Variants in ANKRD13B observed in about 807,000 individuals in gnomAD.
ANKRD13B encodes ankyrin repeat domain 13B, also known as ankyrin repeat domain-containing protein 13B.
In ANKRD13B, 33 loss-of-function variants were observed where a neutral mutation model predicts 74.4. The ratio of observed to expected loss-of-function variants is 0.44; its 90% CI spans 0.34 to 0.59. ANKRD13B has a LOEUF of 0.59. Ranked by LOEUF, ANKRD13B falls within the 20% of genes least tolerant of loss-of-function variation. ANKRD13B has a pLI of 0.02. For missense variants in ANKRD13B, 676 were observed against 877.9 expected (o/e 0.77, Z 2.91); for synonymous variants, 341 against 362.9 (o/e 0.94, Z 0.68).
intron 1 of ANKRD13B, 159 bp downstream of exon 1, chr17:29,593,894 GA>G: frequency 3.0e-6 from 1 of 337,422 alleles, no homozygotes; most frequent in Non-Finnish European, 5.2e-6. Flanking sequence ...GGGAAAGGGT[GA>G]TCCCCTCCGG....
Position 29,613,801 on chromosome 17 carries a change from C to A in ANKRD13B, c.*219C>A, listed in dbSNP as rs910652338. ...CTGGAGGCAACTGGCACGGCCTGGTCCCCCTGCTTTGCTGTATTCTGATTC... is the reference window on the plus strand; with the variant it reads ...CTGGAGGCAACTGGCACGGCCTGGTACCCCTGCTTTGCTGTATTCTGATTC... On this transcript the variant is annotated 3_prime_UTR_variant, in exon 15 of 15. Transcript: ENST00000394859. 6 of 667,752 alleles carry A rather than the reference C, an allele frequency of 9.0e-6. No homozygotes were observed. Among genetic ancestry groups the A allele is most frequent in the Non-Finnish European group, 1.2e-5 (5 of 432,890 alleles). 41.4% of individuals were successfully genotyped at this position (667,752 alleles called of 1,614,324 possible).
intron 1 of ANKRD13B, chr17:29,594,168 G>A (rs1454404807): frequency 2.6e-5 from 4 of 152,584 alleles, no homozygotes; most frequent in Non-Finnish European, 5.9e-5. Flanking sequence ...AGGCACCCCA[G>A]CCCCACCCAG....
intron 1 of ANKRD13B, among the ~76,000 whole-genome samples, chr17:29,599,086 C>T (rs1399049095): frequency 6.6e-6 from 1 of 152,116 alleles, no homozygotes; most frequent in Non-Finnish European, 1.5e-5. Flanking sequence ...GCAGCTGTTA[C>T]CTCAGATGGG....
At position 29,609,100 on chromosome 17, in the gene ANKRD13B, G is replaced by C. The variant is rs769933936; in HGVS notation, c.580G>C (p.Val194Leu). The C allele has an allele frequency of 6.2e-7, 1 of 1,610,992 alleles. No individual in the cohort carries two copies. The highest frequency in any genetic ancestry group is 2.2e-5 in the East Asian group (1 of 44,878). ...GTGTCTGGCAGACACAAGCGCCGTGGTCATGGAGATTGACCACGACCGCCG... is the reference window on the plus strand; with the variant it reads ...GTGTCTGGCAGACACAAGCGCCGTGCTCATGGAGATTGACCACGACCGCCG... ...VFRGQDTSAV[V>L]MEIDHDRRVV... Residue 194 changes from valine (V) to leucine (L), a missense_variant, in exon 6 of 15, where the codon GTC becomes CTC. Coordinates refer to ENST00000394859, the MANE Select transcript of ANKRD13B (RefSeq NM_152345.5). The surrounding 1 kb of genome is among the most constrained non-coding windows in gnomAD (Gnocchi z 4.0).
At position 29,609,458 on chromosome 17, in the gene ANKRD13B, C is replaced by G. The variant is rs2034502376; in HGVS notation, c.822+37C>G. ...GCTCCCAGCTGCCAGCCCAGCTGCA[C>G]TCTTGCCTACAGCAAGCTGTACAGG... On this transcript the variant is annotated intron_variant, in intron 7 of 14. Transcript: ENST00000394859. The surrounding 1 kb of genome is among the most constrained non-coding windows in gnomAD (Gnocchi z 4.0). 6.2e-7 allele frequency: 1 copy of G among 1,609,666 alleles called. No homozygotes were observed. The highest frequency in any genetic ancestry group is 8.5e-7 in the Non-Finnish European group (1 of 1,177,820).
At position 29,613,791 on chromosome 17, in the gene ANKRD13B, A is replaced by G; in HGVS notation, c.*209A>G. The G allele has an allele frequency of 1.4e-6, 1 of 721,028 alleles. No homozygotes were observed. Among genetic ancestry groups the G allele is most frequent in the Non-Finnish European group, 2.1e-6 (1 of 480,116 alleles). 44.7% of individuals were successfully genotyped at this position (721,028 alleles called of 1,614,324 possible). ...GGCCAGGGCCCTGGAGGCAACTGGC[A>G]CGGCCTGGTCCCCCTGCTTTGCTGT... On this transcript the variant is annotated 3_prime_UTR_variant, in exon 15 of 15. Coordinates refer to ENST00000394859, the MANE Select transcript of ANKRD13B (RefSeq NM_152345.5).
At chr17:29,597,087 G>A (rs1458356619) in intron 1 of ANKRD13B, among the ~76,000 whole-genome samples, 4 of 152,218 alleles carry the variant, frequency 2.6e-5, no homozygotes, top group South Asian at 2.1e-4. Context: ...CTTCCTCCTC[G>A]TGGGCTGGGG....
Position 29,607,834 on chromosome 17 carries a change from G to T in ANKRD13B, c.207G>T (p.Ala69=), listed in dbSNP as rs148873780. The change falls in exon 2 of 15, where the codon GCG becomes GCT. Residue 69 remains alanine (A), a synonymous_variant. Transcript: ENST00000394859. ...TTGAGTGTGCCCGTGTGCTCCTGGC[G>T]CACGGCGCAGACGTGGGCAGGGAGA... ...GHLECARVLL[A]HGADVGRENR... 21 of 1,605,064 alleles carry T rather than the reference G, an allele frequency of 1.3e-5. No individual in the cohort carries two copies. The highest frequency in any genetic ancestry group is 2.2e-5 in the East Asian group (1 of 44,854).
chr17:29,602,117 C>G (rs901332096), intron 1 of ANKRD13B, among the ~76,000 whole-genome samples: 2 of 152,128 alleles, frequency 1.3e-5, no homozygotes, highest in Admixed American at 6.5e-5. Context: ...AATATTTGGC[C>G]GGGTGTGGTG....
rs561900244 is a variant in ANKRD13B, at chr17:29,594,515, G to C, written c.114+780G>C. Reference sequence around the variant, plus strand: ...GTCTCCAGAAAACAGGGGAAGGGGGGATGTCTTCTGGCCATGCTTCAGGAT... The same window carrying C: ...GTCTCCAGAAAACAGGGGAAGGGGGCATGTCTTCTGGCCATGCTTCAGGAT... On this transcript the variant is annotated intron_variant, in intron 1 of 14. Coordinates refer to ENST00000394859, the MANE Select transcript of ANKRD13B (RefSeq NM_152345.5). Among the ~76,000 whole-genome samples the C allele has an allele frequency of 2.0e-5, 3 of 152,268 alleles. No homozygotes were observed. The East Asian group carries it at 5.8e-4, about 29-fold the overall frequency.
chr17:29,601,043 G>T (rs2034157934), intron 1 of ANKRD13B, among the ~76,000 whole-genome samples: 1 of 149,770 alleles, frequency 6.7e-6, no homozygotes, highest in African/African-American at 2.5e-5. Context: ...TCCCACCTCA[G>T]CCTCCCAGTA....
intron 1 of ANKRD13B, among the ~76,000 whole-genome samples, chr17:29,597,320 C>T (rs2033988971): frequency 6.6e-6 from 1 of 152,170 alleles, no homozygotes; most frequent in South Asian, 2.1e-4. Context: ...GGAGTGGACT[C>T]CTGCAGGGCC....
chr17:29,610,852 T>C, intron 8 of ANKRD13B, 86 bp downstream of exon 8: 1 of 1,327,686 alleles, frequency 7.5e-7, no homozygotes, highest in South Asian at 1.3e-5. Flanking sequence ...GTATTCCCAC[T>C]GGCATCCTAG....
Position 29,593,713 on chromosome 17 carries a change from A to G in ANKRD13B, c.92A>G (p.Glu31Gly). The change falls in exon 1 of 15, where the codon GAG (glutamate) becomes GGG (glycine). Residue 31 changes from glutamate to glycine, a missense_variant. By Grantham distance (98) the Glu-to-Gly change is moderately conservative. Transcript: ENST00000394859. The part of the protein sequence containing the change: ...LVWHNRHREL[E>G]KEVRAGQVDI... ...TGGCACAACCGCCACCGCGAGCTGGAGAAGGAGGTCCGCGCGGGCCAGGTA... is the reference window on the plus strand; with the variant it reads ...TGGCACAACCGCCACCGCGAGCTGGGGAAGGAGGTCCGCGCGGGCCAGGTA... 7.0e-7 allele frequency: 1 copy of G among 1,431,674 alleles called. No individual in the cohort carries two copies. Among genetic ancestry groups the G allele is most frequent in the South Asian group, 1.4e-5 (1 of 71,506 alleles). The allele number at this position is 1,431,674 out of a possible 1,614,324, so 88.7% of individuals were successfully genotyped here. A position where few individuals can be genotyped will look rare whatever the true frequency, so the allele number is the denominator to read the frequency against.
Position 29,613,740 on chromosome 17 carries a change from C to A in ANKRD13B, c.*158C>A. 8.2e-7 allele frequency: 1 copy of A among 1,212,292 alleles called. No individual in the cohort carries two copies. Among genetic ancestry groups the A allele is most frequent in the Non-Finnish European group, 1.1e-6 (1 of 926,490 alleles). The allele number at this position is 1,212,292 out of a possible 1,614,324, so 75.1% of individuals were successfully genotyped here. On this transcript the variant is annotated 3_prime_UTR_variant, in exon 15 of 15. Transcript: ENST00000394859. ...AGCAGGCACGGTTCGGGGAGGGATTCGGCATGGCCGCGGGGTACCTTCCCA... is the reference window on the plus strand; with the variant it reads ...AGCAGGCACGGTTCGGGGAGGGATTAGGCATGGCCGCGGGGTACCTTCCCA...
Position 29,613,651 on chromosome 17 carries a change from G to C in ANKRD13B, c.*69G>C, listed in dbSNP as rs1175580392. On this transcript the variant is annotated 3_prime_UTR_variant, in exon 15 of 15. Coordinates refer to ENST00000394859, the MANE Select transcript of ANKRD13B (RefSeq NM_152345.5). The stretch of plus-strand genomic sequence containing the variant: ...CAGGGCCAGGAGCCAGACAAACCCC[G>C]GCCTGCGCGCCTGCAGAGCGGCGGC... 21 of 1,374,606 alleles carry C rather than the reference G, an allele frequency of 1.5e-5. No individual in the cohort carries two copies. In the East Asian group the frequency reaches 4.9e-4, roughly 32 times the overall value. The allele number at this position is 1,374,606 out of a possible 1,614,324, so 85.2% of individuals were successfully genotyped here. A position where few individuals can be genotyped will look rare whatever the true frequency, so the allele number is the denominator to read the frequency against.
chr17:29,608,354 C>A lies in ANKRD13B; in HGVS notation c.421+114C>A. The A allele has an allele frequency of 7.1e-7, 1 of 1,410,104 alleles. No homozygotes were observed. The highest frequency in any genetic ancestry group is 9.7e-7 in the Non-Finnish European group (1 of 1,028,108). The allele number at this position is 1,410,104 out of a possible 1,614,324, so 87.3% of individuals were successfully genotyped here. A position where few individuals can be genotyped will look rare whatever the true frequency, so the allele number is the denominator to read the frequency against. On this transcript the variant is annotated intron_variant, in intron 4 of 14. Coordinates refer to ENST00000394859, the MANE Select transcript of ANKRD13B (RefSeq NM_152345.5). The surrounding 1 kb of genome is among the most constrained non-coding windows in gnomAD (Gnocchi z 6.4). Reference sequence around the variant, plus strand: ...TCCGGCGGTTCCCTCTATGCCTTAGCTCAGCTCAGGGCCACCGCCTCAGCT... The same window carrying A: ...TCCGGCGGTTCCCTCTATGCCTTAGATCAGCTCAGGGCCACCGCCTCAGCT...
At chr17:29,613,086 G>A (rs1036842921) in intron 14 of ANKRD13B, 123 bp downstream of exon 14, 1 of 1,349,032 alleles carries the variant, frequency 7.4e-7, no homozygotes. Flanking sequence ...GATGGCTTCT[G>A]CCACCACTCC....
At chr17:29,602,511 C>G (rs1234268780) in intron 1 of ANKRD13B, among the ~76,000 whole-genome samples, 1 of 152,070 alleles carries the variant, frequency 6.6e-6, no homozygotes. Flanking sequence ...TGCCTTGTCT[C>G]TTTCAGATTC....
Sources: allele counts gnomAD v4.1 joint callset (sites outside exome capture counted in the v4.1 genomes callset), GRCh38; gene constraint gnomAD v4.1.1; non-coding constraint Gnocchi (gnomAD v3.1); transcripts MANE v1.5; gene names NCBI Gene and HGNC (gene_info 2026-07-23, HGNC 2026-07-21).